The following PRKAG2 variants were observed in gnomAD, a reference collection of about 807,000 sequenced individuals.
PRKAG2 encodes protein kinase AMP-activated non-catalytic subunit gamma 2, also known as 5'-AMP-activated protein kinase subunit gamma-2.
In PRKAG2, 26 loss-of-function variants were observed where a neutral mutation model predicts 69.6. That is an observed-to-expected ratio of 0.37 (90% CI 0.27 to 0.52). The LOEUF (loss-of-function observed/expected upper bound fraction) is 0.52. PRKAG2 is among the 20% of genes least tolerant of loss of function. The pLI is 0.90. For synonymous variants in PRKAG2, 293 were observed against 285.0 expected, an observed-to-expected ratio of 1.03 and a Z score of -0.28; for missense variants, 557 against 740.0, an observed-to-expected ratio of 0.75 and a Z score of 2.87.
intron 1 of PRKAG2, among the ~76,000 whole-genome samples, chr7:151,803,741 C>T (rs1350142074): frequency 6.6e-6 from 1 of 150,788 alleles, no homozygotes; most frequent in Non-Finnish European, 1.5e-5. Context: ...TAAATTCATC[C>T]AGCTTGGCCA....
At chr7:151,611,974 G>A (rs563386297) in intron 5 of PRKAG2, among the ~76,000 whole-genome samples, 26 of 152,288 alleles carry the variant, frequency 1.7e-4, no homozygotes, top group African/African-American at 5.8e-4. Flanking sequence ...GAACCTGGGA[G>A]GCGGAGGATG....
At chr7:151,661,481 G>A (rs1830315207) in intron 4 of PRKAG2, among the ~76,000 whole-genome samples, 1 of 152,112 alleles carries the variant, frequency 6.6e-6, no homozygotes, top group African/African-American at 2.4e-5. Flanking sequence ...GAAATCACGG[G>A]CAGAGCTGTA....
chr7:151,557,534 G>A, intron 15 of PRKAG2: 3 of 985,162 alleles, frequency 3.0e-6, no homozygotes, highest in Non-Finnish European at 3.6e-6. Flanking sequence ...TTTAGTGAAG[G>A]TGTGAAGTAT....
At chr7:151,582,128 T>C (rs957518739) in intron 6 of PRKAG2, among the ~76,000 whole-genome samples, 4 of 152,098 alleles carry the variant, frequency 2.6e-5, no homozygotes, top group Non-Finnish European at 5.9e-5. Context: ...TCAGACAGTA[T>C]CGGTCCAACA....
chr7:151,869,963 G>A (rs577951893), intron 1 of PRKAG2, among the ~76,000 whole-genome samples: 1 of 152,314 alleles, frequency 6.6e-6, no homozygotes, highest in South Asian at 2.1e-4. Flanking sequence ...CTTGCAGCGT[G>A]GCCTAACGGG....
At chr7:151,564,410 T>C (rs1003269721) in intron 13 of PRKAG2, 186 bp from the exon 14 acceptor site, 4 of 595,788 alleles carry the variant, frequency 6.7e-6, no homozygotes, top group Non-Finnish European at 1.2e-5. Flanking sequence ...TGTCAACATA[T>C]CAATCACAAT....
intron 5 of PRKAG2, among the ~76,000 whole-genome samples, chr7:151,613,615 A>G (rs538946000): frequency 8.0e-4 from 122 of 151,778 alleles, no homozygotes; most frequent in Non-Finnish European, 1.3e-3. Context: ...CTCCTGACTC[A>G]GCCTCCCAAG....
intron 5 of PRKAG2, among the ~76,000 whole-genome samples, chr7:151,626,248 C>T (rs933642057): frequency 1.3e-5 from 2 of 152,166 alleles, no homozygotes; most frequent in Non-Finnish European, 2.9e-5. Flanking sequence ...CAGGGATCTT[C>T]CGGTGACAAA....
chr7:151,829,341 G>T (rs900203885), intron 1 of PRKAG2, among the ~76,000 whole-genome samples: 4 of 152,210 alleles, frequency 2.6e-5, no homozygotes, highest in Non-Finnish European at 5.9e-5. Context: ...CACTGGGACA[G>T]CTAGAACATA....
rs759432532 is a variant in PRKAG2, at chr7:151,614,636, C to T, written c.754+17433G>A. 2.6e-5 allele frequency among the ~76,000 whole-genome samples: 4 copies of T among 152,148 alleles called. No individual in the cohort carries two copies. The highest frequency in any genetic ancestry group is 5.9e-5 in the Non-Finnish European group (4 of 68,038). ...TGACCTTGTGGTGGTTCACTCCACTCCACTGCCTTTCTTTCAGAGCAAACA... is the reference window on the plus strand; with the variant it reads ...TGACCTTGTGGTGGTTCACTCCACTTCACTGCCTTTCTTTCAGAGCAAACA... On this transcript the variant is annotated intron_variant, in intron 5 of 15. Coordinates refer to ENST00000287878, the MANE Select transcript of PRKAG2 (RefSeq NM_016203.4). The surrounding 1 kb of genome is among the most constrained non-coding windows in gnomAD (Gnocchi z 4.4).
intron 1 of PRKAG2, among the ~76,000 whole-genome samples, chr7:151,830,598 C>A (rs182941150): frequency 6.6e-6 from 1 of 152,024 alleles, no homozygotes; most frequent in Admixed American, 6.5e-5. Context: ...TTCCAGAAAT[C>A]CATCTGTGCC....
intron 3 of PRKAG2, among the ~76,000 whole-genome samples, chr7:151,726,712 G>A (rs4726087): frequency 0.11 from 16,676 of 152,070 alleles, 2,322 homozygotes; most frequent in African/African-American, 0.32. Context: ...AAAAAAAATC[G>A]TGTAAATTCA....
intron 5 of PRKAG2, among the ~76,000 whole-genome samples, chr7:151,597,302 C>A (rs7794333): frequency 0.16 from 24,929 of 152,112 alleles, 2,292 homozygotes; most frequent in East Asian, 0.26. Flanking sequence ...TGAAAATCTA[C>A]GACCCAAACT....
chr7:151,789,516 T>TA (rs1320306501), intron 1 of PRKAG2, among the ~76,000 whole-genome samples: 1 of 152,310 alleles, frequency 6.6e-6, no homozygotes, highest in African/African-American at 2.4e-5. Flanking sequence ...AGTCTCTGCT[T>TA]AAAGAGCAAC....
intron 1 of PRKAG2, among the ~76,000 whole-genome samples, chr7:151,804,850 G>A (rs192042993): frequency 8.5e-5 from 13 of 152,258 alleles, no homozygotes; most frequent in African/African-American, 1.9e-4. Flanking sequence ...GTTTTGTTGC[G>A]GCTGCTGTTC....
chr7:151,744,152 C>T (rs1271284565), intron 3 of PRKAG2, among the ~76,000 whole-genome samples: 2 of 152,188 alleles, frequency 1.3e-5, no homozygotes, highest in Non-Finnish European at 2.9e-5. Context: ...GCTCCTGTGG[C>T]TCTGATATGT....
chr7:151,876,476 G>A (rs2080408613), intron 1 of PRKAG2, 31 bp downstream of exon 1: 3 of 1,579,948 alleles, frequency 1.9e-6, no homozygotes, highest in Middle Eastern at 1.8e-4. Flanking sequence ...CAGGAGGGCT[G>A]GGGAGCAGGG....
At chr7:151,870,154 TAGGC>T (rs200063326) in intron 1 of PRKAG2, among the ~76,000 whole-genome samples, 2,354 of 138,022 alleles carry the variant, frequency 0.017, 27 homozygotes, top group Admixed American at 0.025. Context: ...GATAGATAGA[TAGGC>T]AGGCAGGCAG....
chr7:151,740,595 G>A (rs2073813214), intron 3 of PRKAG2, among the ~76,000 whole-genome samples: 1 of 150,134 alleles, frequency 6.7e-6, no homozygotes. Flanking sequence ...AAGGATGCAT[G>A]AATGAACACA....
Sources: allele counts gnomAD v4.1 joint callset (sites outside exome capture counted in the v4.1 genomes callset), GRCh38; gene constraint gnomAD v4.1.1; non-coding constraint Gnocchi (gnomAD v3.1); transcripts MANE v1.5; gene names NCBI Gene and HGNC (gene_info 2026-07-23, HGNC 2026-07-21).